Variants in PI4KA observed in about 807,000 individuals in gnomAD.
The protein encoded by PI4KA is PI4-kinase alpha.
PI4KA carries 122 observed loss-of-function variants against 271.4 expected under a neutral mutation model. The ratio of observed to expected loss-of-function variants is 0.45; its 90% CI spans 0.39 to 0.52. The LOEUF (loss-of-function observed/expected upper bound fraction) is 0.52, where lower values mean the gene tolerates loss of function less well. PI4KA is among the 20% of genes least tolerant of loss of function. PI4KA has a pLI of 0.00. For missense variants in PI4KA, 1,969 were observed against 2,769.1 expected (o/e 0.71, Z 6.48); for synonymous variants, 1,041 against 1,078.8 (o/e 0.96, Z 0.69).
At chr22:20,817,568 C>T (rs1260129437) in intron 7 of PI4KA, among the ~76,000 whole-genome samples, 1 of 150,924 alleles carries the variant, frequency 6.6e-6, no homozygotes, top group African/African-American at 2.4e-5. Flanking sequence ...AACCCCATCT[C>T]TACAAAAAAT....
At position 20,734,289 on chromosome 22, in the gene PI4KA, G is replaced by C. The variant is rs369197707; in HGVS notation, c.3901-95C>G. On this transcript the variant is annotated intron_variant, in intron 33 of 54. Coordinates refer to ENST00000255882, the MANE Select transcript of PI4KA (RefSeq NM_058004.4). Reference sequence around the variant, plus strand: ...GCTGAGGAGGGGTTCTGGGCTGACTGGCCGAGCTTGCCGAAGGCCTTGGGC... The same window carrying C: ...GCTGAGGAGGGGTTCTGGGCTGACTCGCCGAGCTTGCCGAAGGCCTTGGGC... The C allele has an allele frequency of 7.5e-4, 1,039 of 1,384,156 alleles. 2 individuals carry two copies. In the East Asian group the frequency reaches 0.011, roughly 15 times the overall value. 85.7% of individuals were successfully genotyped at this position (1,384,156 alleles called of 1,614,324 possible).
intron 42 of PI4KA, chr22:20,725,453 T>C (rs1052846998): frequency 2.0e-5 from 8 of 404,896 alleles, no homozygotes; most frequent in Non-Finnish European, 3.1e-5. Flanking sequence ...TATTTGGAGA[T>C]AGGGTCTTTA....
chr22:20,746,253 G>A (rs745366698), intron 29 of PI4KA, among the ~76,000 whole-genome samples: 83 of 151,748 alleles, frequency 5.5e-4, no homozygotes, highest in African/African-American at 1.4e-3. Flanking sequence ...TAGTAGAGAC[G>A]GGGTTTCACC....
Position 20,742,391 on chromosome 22 carries a change from C to A in PI4KA, c.3614-36G>T, listed in dbSNP as rs149161656. 15 of 1,606,210 alleles carry A rather than the reference C, an allele frequency of 9.3e-6. No individual in the cohort carries two copies. In the African/African-American group the frequency reaches 1.7e-4, roughly 19 times the overall value. On this transcript the variant is annotated intron_variant, in intron 31 of 54. Transcript: ENST00000255882. ...ACACACGTCAGTCAGAGGCCTCCAA[C>A]AACAGCTGAACCCCAAAACAGCTTC...
rs1275392944 is a variant in PI4KA at position 20,819,542 on chromosome 22, A to G, written c.789+99T>C. 7.3e-6 allele frequency: 8 copies of G among 1,091,688 alleles called. No individual in the cohort carries two copies. In the Admixed American group the frequency reaches 1.6e-4, roughly 22 times the overall value. 67.6% of individuals were successfully genotyped at this position (1,091,688 alleles called of 1,614,324 possible). ...GAATTCTAGTGAAACATTTCACGTT[A>G]CTTAAGTTTACTCCAACTACAAAGA... On this transcript the variant is annotated intron_variant, in intron 6 of 54. Coordinates refer to ENST00000255882, the MANE Select transcript of PI4KA (RefSeq NM_058004.4).
chr22:20,805,749 G>A (rs1039537728), intron 10 of PI4KA, among the ~76,000 whole-genome samples: 3 of 150,910 alleles, frequency 2.0e-5, no homozygotes, highest in Non-Finnish European at 4.4e-5. Flanking sequence ...GGAGAATGGC[G>A]TCAACCCGGG....
chr22:20,770,094 C>T (rs998965808), intron 19 of PI4KA, among the ~76,000 whole-genome samples: 2 of 152,042 alleles, frequency 1.3e-5, no homozygotes, highest in Admixed American at 1.3e-4. Context: ...GTCGACCACA[C>T]TGGAGTAGGG....
At chr22:20,762,021 G>A (rs7364240) in intron 22 of PI4KA, among the ~76,000 whole-genome samples, 4,399 of 152,198 alleles carry the variant, frequency 0.029, 204 homozygotes, top group African/African-American at 0.099. Flanking sequence ...AGTATCTTCT[G>A]TACTATTCCA....
chr22:20,751,206 A>T (rs1296759948), intron 27 of PI4KA, 87 bp downstream of exon 27: 11 of 1,049,694 alleles, frequency 1.0e-5, no homozygotes, highest in Admixed American at 2.0e-5. Context: ...GGACTGGGTG[A>T]GCTCATGCAG....
rs536508955 is a variant in PI4KA, at chr22:20,724,833, G to C, written c.4995+1655C>G. On this transcript the variant is annotated intron_variant, in intron 42 of 54. Transcript: ENST00000255882. Reference sequence around the variant, plus strand: ...TATGCTAGGCCTGTATGCAAGCAGAGAGCCAAGCAGTCAAGGGAAAATAAT... The same window carrying C: ...TATGCTAGGCCTGTATGCAAGCAGACAGCCAAGCAGTCAAGGGAAAATAAT... Among the ~76,000 whole-genome samples the C allele has an allele frequency of 7.2e-4, 109 of 152,216 alleles. 1 individual carries two copies. Among genetic ancestry groups the C allele is most frequent in the African/African-American group, 2.6e-3 (107 of 41,526 alleles).
intron 4 of PI4KA, 81 bp from the exon 5 acceptor site, chr22:20,820,692 G>T: frequency 1.0e-6 from 1 of 984,094 alleles, no homozygotes. Flanking sequence ...GAATTAGAAG[G>T]CACTTCAGAC....
intron 30 of PI4KA, among the ~76,000 whole-genome samples, chr22:20,743,803 C>T (rs1358142415): frequency 1.3e-5 from 2 of 151,936 alleles, no homozygotes; most frequent in African/African-American, 4.8e-5. Flanking sequence ...GCCTGTAATC[C>T]CAGCAGTTTG....
intron 4 of PI4KA, 103 bp from the exon 5 acceptor site, chr22:20,820,714 CA>C: frequency 1.3e-6 from 1 of 797,054 alleles, no homozygotes; most frequent in Non-Finnish European, 2.1e-6. Context: ...TTATCTTAAC[CA>C]ACCCCATATA....
chr22:20,776,343 G>T (rs1004617302), intron 19 of PI4KA, among the ~76,000 whole-genome samples: 3 of 152,174 alleles, frequency 2.0e-5, no homozygotes, highest in South Asian at 4.1e-4. Context: ...AAAATAAAAA[G>T]AAATCGTTTC....
chr22:20,840,889 C>T (rs550177820), intron 1 of PI4KA, among the ~76,000 whole-genome samples: 1 of 152,212 alleles, frequency 6.6e-6, no homozygotes, highest in African/African-American at 2.4e-5. Context: ...TTGTCAGAGG[C>T]GTGTGAACCA....
chr22:20,754,559 T>C (rs1931064607), intron 23 of PI4KA, among the ~76,000 whole-genome samples: 1 of 152,236 alleles, frequency 6.6e-6, no homozygotes, highest in Admixed American at 6.5e-5. Context: ...TTTTAAGATT[T>C]TGCCCCTTCA....
chr22:20,858,386 C>T (rs1927905584), intron 1 of PI4KA, among the ~76,000 whole-genome samples, 184 bp downstream of exon 1: 1 of 151,808 alleles, frequency 6.6e-6, no homozygotes, highest in South Asian at 2.1e-4. Flanking sequence ...CGGTCCCTCT[C>T]TCTTCACCAG....
rs113560318 is a variant in PI4KA, at chr22:20,820,625, G to A, written c.457-14C>T. The A allele has an allele frequency of 6.5e-4, 1,018 of 1,563,328 alleles. 8 individuals are homozygous for A. In the African/African-American group the frequency reaches 9.1e-3, roughly 14 times the overall value. On this transcript the variant is annotated splice_polypyrimidine_tract_variant and intron_variant, in intron 4 of 54. Transcript: ENST00000255882. The stretch of plus-strand genomic sequence containing the variant: ...CACCTCTAAAATCTGTAACAGTCAA[G>A]GAAACAAGAAAAAAAAAACATAAAC...
chr22:20,714,637 G>A lies in PI4KA; in HGVS notation c.5381C>T (p.Pro1794Leu), dbSNP rs755570403. The change falls in exon 46 of 55, where the codon CCG (proline) becomes CTG (leucine). Residue 1794 changes from proline to leucine, a missense_variant. Pro to Leu is a moderately conservative substitution (Grantham distance 98, BLOSUM62 -3). Transcript: ENST00000255882. ...VLDIDYKSGT[P>L]MQSAAKAPYL... Reference sequence around the variant, plus strand: ...AGGGTGAGGCGCCCACCTCTGCATCGGGGTCCCAGACTTGTAGTCGATGTC... The same window carrying A: ...AGGGTGAGGCGCCCACCTCTGCATCAGGGTCCCAGACTTGTAGTCGATGTC... The A allele has an allele frequency of 2.5e-6, 4 of 1,613,998 alleles. No individual in the cohort carries two copies. The highest frequency in any genetic ancestry group is 1.1e-5 in the South Asian group (1 of 91,076).
Sources: allele counts gnomAD v4.1 joint callset (sites outside exome capture counted in the v4.1 genomes callset), GRCh38; gene constraint gnomAD v4.1.1; transcripts MANE v1.5; gene names NCBI Gene and HGNC (gene_info 2026-07-23, HGNC 2026-07-21).